The following DNAJC1 variants were observed in gnomAD, a reference collection of about 807,000 sequenced individuals.
DNAJC1 encodes dnaJ homolog subfamily C member 1.
Under a neutral mutation model 76.6 loss-of-function variants are expected in DNAJC1, and 58 were observed. The observed-to-expected ratio is 0.76, with a 90% CI of 0.61 to 0.94. DNAJC1 has a LOEUF of 0.94. Among genes scored for constraint, DNAJC1 ranks in the 40% least tolerant of loss-of-function variants. DNAJC1 has a pLI of 0.00. For synonymous variants in DNAJC1, 258 were observed against 267.9 expected (o/e 0.96, Z 0.36); for missense variants, 689 against 677.3 (o/e 1.02, Z -0.19).
intron 10 of DNAJC1, among the ~76,000 whole-genome samples, chr10:21,765,075 A>G (rs558098442): frequency 6.6e-6 from 1 of 152,240 alleles, no homozygotes; most frequent in East Asian, 1.9e-4. Flanking sequence ...GATTTTGGAG[A>G]ATGTCTTGAA....
At chr10:21,852,092 TACACACACACACACAC>T (rs58289439) in intron 8 of DNAJC1, among the ~76,000 whole-genome samples, 55 of 146,198 alleles carry the variant, frequency 3.8e-4, no homozygotes, top group East Asian at 1.2e-3. Flanking sequence ...AATTGTGAGA[TACACACACACACACAC>T]ACACACACAC....
intron 7 of DNAJC1, among the ~76,000 whole-genome samples, chr10:21,883,084 T>C (rs972547282): frequency 3.9e-5 from 6 of 152,012 alleles, no homozygotes; most frequent in African/African-American, 1.5e-4. Flanking sequence ...ACCCTTCTTC[T>C]ACTAAAAATG....
intron 7 of DNAJC1, among the ~76,000 whole-genome samples, chr10:21,899,577 A>C (rs1232563238): frequency 2.6e-5 from 4 of 152,196 alleles, no homozygotes; most frequent in Non-Finnish European, 5.9e-5. Flanking sequence ...TGCCTTGCCA[A>C]GACTTGCAAG....
intron 6 of DNAJC1, among the ~76,000 whole-genome samples, chr10:21,910,972 G>T (rs1011567299): frequency 6.7e-6 from 1 of 148,584 alleles, no homozygotes; most frequent in Non-Finnish European, 1.5e-5. Context: ...AAGAAAGAGG[G>T]GGGGAAGAGA....
intron 6 of DNAJC1, 98 bp from the exon 7 acceptor site, chr10:21,904,710 T>C (rs141362773): frequency 2.8e-5 from 17 of 596,518 alleles, no homozygotes; most frequent in Non-Finnish European, 4.3e-5. Flanking sequence ...ATTCATTTTA[T>C]AAGTAGGCTT....
At chr10:21,998,159 G>C (rs558817263) in intron 1 of DNAJC1, among the ~76,000 whole-genome samples, 2 of 152,222 alleles carry the variant, frequency 1.3e-5, no homozygotes, top group South Asian at 4.1e-4. Flanking sequence ...GGGAGGCCGA[G>C]GTGGGTGGAT....
chr10:21,964,264 G>T (rs765835214), intron 1 of DNAJC1, among the ~76,000 whole-genome samples: 1 of 151,982 alleles, frequency 6.6e-6, no homozygotes, highest in Non-Finnish European at 1.5e-5. Context: ...ACTCAGGATG[G>T]AGTGCAGTGG....
intron 8 of DNAJC1, among the ~76,000 whole-genome samples, chr10:21,840,245 T>C (rs1237387320): frequency 6.6e-6 from 1 of 152,210 alleles, no homozygotes; most frequent in East Asian, 1.9e-4. Context: ...CTGGAAGCTC[T>C]GGCCAGGGCA....
chr10:21,993,479 T>G (rs1838360901), intron 1 of DNAJC1, among the ~76,000 whole-genome samples: 1 of 152,222 alleles, frequency 6.6e-6, no homozygotes. Flanking sequence ...CTGCAAGAAC[T>G]CTCTGACTCG....
chr10:21,875,560 T>C (rs1015730054), intron 8 of DNAJC1, among the ~76,000 whole-genome samples: 4 of 152,266 alleles, frequency 2.6e-5, no homozygotes, highest in African/African-American at 9.6e-5. Flanking sequence ...ATCACTTCTA[T>C]TCTATATTGT....
chr10:21,868,405 G>T (rs1030533267), intron 8 of DNAJC1, among the ~76,000 whole-genome samples: 1 of 151,882 alleles, frequency 6.6e-6, no homozygotes, highest in African/African-American at 2.4e-5. Flanking sequence ...TTACAGGCGT[G>T]AGCCACCATG....
chr10:21,816,901 C>T lies in DNAJC1; in HGVS notation c.979-10802G>A, dbSNP rs867577292. ...CGGGCGCGGTGGCTCACGCCTGTAA[C>T]CCCAGCACTTTGGGAGGCCGAGGTG... is the stretch of plus-strand genomic sequence containing the variant. On this transcript the variant is annotated intron_variant, in intron 8 of 11. Coordinates refer to ENST00000376980, the MANE Select transcript of DNAJC1 (RefSeq NM_022365.4). Among the ~76,000 whole-genome samples the T allele has an allele frequency of 3.8e-3, 538 of 143,122 alleles. 2 individuals carry two copies. The highest frequency in any genetic ancestry group is 0.013 in the African/African-American group (515 of 39,040). 93.9% of individuals were successfully genotyped at this position (143,122 alleles called of 152,430 possible).
chr10:21,929,174 GCAAA>G, intron 1 of DNAJC1, 33 bp from the exon 2 acceptor site: 1 of 1,478,488 alleles, frequency 6.8e-7, no homozygotes. Context: ...AAAATACAAA[GCAAA>G]CTTTGTCAGA....
chr10:21,859,704 T>C (rs1835892663), intron 8 of DNAJC1, among the ~76,000 whole-genome samples: 1 of 152,174 alleles, frequency 6.6e-6, no homozygotes, highest in South Asian at 2.1e-4. Context: ...ATCAATACTT[T>C]GTGAGATCTT....
intron 7 of DNAJC1, among the ~76,000 whole-genome samples, chr10:21,887,578 G>C (rs1283198906): frequency 1.3e-5 from 2 of 151,970 alleles, no homozygotes; most frequent in African/African-American, 4.8e-5. Flanking sequence ...CCAGAAATAA[G>C]GCTGCACACC....
intron 8 of DNAJC1, among the ~76,000 whole-genome samples, chr10:21,824,073 A>G (rs1835203184): frequency 6.6e-6 from 1 of 152,216 alleles, no homozygotes; most frequent in Non-Finnish European, 1.5e-5. Context: ...ATGTTGAATG[A>G]ATGACTGGTT....
chr10:21,905,142 T>C (rs1354434396), intron 6 of DNAJC1, among the ~76,000 whole-genome samples: 1 of 151,726 alleles, frequency 6.6e-6, no homozygotes, highest in Non-Finnish European at 1.5e-5. Flanking sequence ...ACCATTACCA[T>C]GAAGTCTTGA....
chr10:21,788,805 C>T (rs1374986741), intron 9 of DNAJC1, among the ~76,000 whole-genome samples: 5 of 152,142 alleles, frequency 3.3e-5, no homozygotes, highest in Non-Finnish European at 7.4e-5. Flanking sequence ...CTCCAGAGCA[C>T]ACCTTCTTCC....
chr10:21,915,114 A>G (rs1836931012), intron 6 of DNAJC1, among the ~76,000 whole-genome samples: 2 of 152,222 alleles, frequency 1.3e-5, no homozygotes, highest in Admixed American at 1.3e-4. Context: ...CTGTCTTTCT[A>G]AACATCTGAC....
Sources: allele counts gnomAD v4.1 joint callset (sites outside exome capture counted in the v4.1 genomes callset), GRCh38; gene constraint gnomAD v4.1.1; transcripts MANE v1.5; gene names NCBI Gene and HGNC (gene_info 2026-07-23, HGNC 2026-07-21).